The following PLCB1 variants were observed in gnomAD, a reference collection of about 807,000 sequenced individuals.
PLCB1 encodes the protein phospholipase C beta 1.
A neutral mutation model predicts 161.8 loss-of-function variants in PLCB1; 46 were observed. The observed-to-expected ratio is 0.28, with a 90% CI of 0.22 to 0.36. The LOEUF is 0.36. PLCB1 is among the 10% of genes least tolerant of loss of function. The probability of loss-of-function intolerance (pLI) is 1.00; values close to 1 mark genes in which losing one functional copy is unlikely to be tolerated. For missense variants in PLCB1, 1,016 were observed against 1,472.5 expected, an observed-to-expected ratio of 0.69 and a Z score of 5.07; for synonymous variants, 517 against 503.7, an observed-to-expected ratio of 1.03 and a Z score of -0.35.
chr20:8,364,793 A>C (rs1270078334), intron 2 of PLCB1, among the ~76,000 whole-genome samples: 1 of 152,226 alleles, frequency 6.6e-6, no homozygotes, highest in Admixed American at 6.5e-5. Flanking sequence ...GAACGTTTTC[A>C]TTGCTTGTCC....
At chr20:8,584,477 C>T (rs939706164) in intron 3 of PLCB1, among the ~76,000 whole-genome samples, 6 of 126,376 alleles carry the variant, frequency 4.7e-5, no homozygotes, top group Non-Finnish European at 9.8e-5. Flanking sequence ...CACATACACA[C>T]ACACAGACAC....
At chr20:8,417,026 TACACACACACACAC>T (rs5840263) in intron 3 of PLCB1, among the ~76,000 whole-genome samples, 1 of 66,556 alleles carries the variant, frequency 1.5e-5, no homozygotes, top group African/African-American at 5.7e-5. Context: ...TATATGTGTA[TACACACACACACAC>T]ACACACACAC....
At chr20:8,508,683 C>T (rs1568704662) in intron 3 of PLCB1, among the ~76,000 whole-genome samples, 1 of 152,084 alleles carries the variant, frequency 6.6e-6, no homozygotes, top group Non-Finnish European at 1.5e-5. Flanking sequence ...GTTGGGAGTT[C>T]ACTATAAGTA....
At chr20:8,702,036 C>T (rs1413366369) in intron 11 of PLCB1, among the ~76,000 whole-genome samples, 1 of 152,164 alleles carries the variant, frequency 6.6e-6, no homozygotes, top group Non-Finnish European at 1.5e-5. Flanking sequence ...TATCTGCTTT[C>T]AGTATGTGTG....
intron 3 of PLCB1, among the ~76,000 whole-genome samples, chr20:8,566,468 AT>A (rs983686203): frequency 5.3e-5 from 8 of 152,154 alleles, no homozygotes; most frequent in African/African-American, 1.9e-4. Context: ...AAAAAACAAC[AT>A]TTTTTAGGAA....
At chr20:8,236,457 C>T (rs534485390) in intron 2 of PLCB1, among the ~76,000 whole-genome samples, 1 of 152,082 alleles carries the variant, frequency 6.6e-6, no homozygotes, top group East Asian at 1.9e-4. Flanking sequence ...CGCTTGAGCC[C>T]AGGAGTTTGA....
intron 6 of PLCB1, among the ~76,000 whole-genome samples, chr20:8,648,372 G>A (rs556629653): frequency 1.7e-4 from 26 of 152,128 alleles, no homozygotes; most frequent in African/African-American, 5.8e-4. Flanking sequence ...TGATGAAACA[G>A]GTCAGGAGGA....
chr20:8,634,529 C>T (rs368701065), intron 4 of PLCB1, among the ~76,000 whole-genome samples: 7 of 152,266 alleles, frequency 4.6e-5, no homozygotes, highest in African/African-American at 1.7e-4. Context: ...CCCATTCTTC[C>T]TGCCATCTTG....
intron 2 of PLCB1, among the ~76,000 whole-genome samples, chr20:8,220,943 T>C (rs933742006): frequency 6.6e-6 from 1 of 152,094 alleles, no homozygotes; most frequent in Admixed American, 6.5e-5. Flanking sequence ...TAGCCTAAGG[T>C]TTAAAAGTAC....
At chr20:8,542,925 G>A (rs975452550) in intron 3 of PLCB1, among the ~76,000 whole-genome samples, 1 of 152,130 alleles carries the variant, frequency 6.6e-6, no homozygotes, top group African/African-American at 2.4e-5. Context: ...TATTCATTTG[G>A]CCACAGACTA....
chr20:8,458,721 G>A lies in PLCB1; in HGVS notation c.246+87271G>A, dbSNP rs4813862. On this transcript the variant is annotated intron_variant, in intron 3 of 31. Transcript: ENST00000338037. ...TCTGGGATGAAAGACATTTGAGGTT[G>A]TCATTCTGGACTCTTAAGTAAGTTC... Among the ~76,000 whole-genome samples the A allele has an allele frequency of 0.27, 41,105 of 152,040 alleles. 5,801 individuals are homozygous for A. The highest frequency in any genetic ancestry group is 0.31 in the Non-Finnish European group (20,825 of 67,986).
At chr20:8,636,076 A>G (rs1988754479) in intron 4 of PLCB1, among the ~76,000 whole-genome samples, 1 of 152,234 alleles carries the variant, frequency 6.6e-6, no homozygotes, top group African/African-American at 2.4e-5. Flanking sequence ...TAAATGAAAA[A>G]TGATTAAGAA....
At chr20:8,764,750 C>T (rs943225042) in intron 25 of PLCB1, among the ~76,000 whole-genome samples, 2 of 152,148 alleles carry the variant, frequency 1.3e-5, no homozygotes, top group African/African-American at 2.4e-5. Flanking sequence ...TGGGATCAGG[C>T]AGAGACCAGA....
chr20:8,793,181 T>C (rs1983849881), intron 31 of PLCB1, among the ~76,000 whole-genome samples: 1 of 152,222 alleles, frequency 6.6e-6, no homozygotes, highest in Admixed American at 6.5e-5. Flanking sequence ...TCAGTTCCAT[T>C]CAGTCAGATA....
intron 31 of PLCB1, among the ~76,000 whole-genome samples, chr20:8,790,888 T>C (rs1308750929): frequency 2.0e-5 from 3 of 152,206 alleles, no homozygotes; most frequent in Non-Finnish European, 2.9e-5. Context: ...ATCTCAGTTT[T>C]AGAACATTCC....
intron 2 of PLCB1, among the ~76,000 whole-genome samples, chr20:8,178,167 T>G (rs532417805): frequency 6.6e-6 from 1 of 152,296 alleles, no homozygotes; most frequent in African/African-American, 2.4e-5. Context: ...TACATGTGCA[T>G]ATGTCTTTAT....
At chr20:8,318,398 G>A (rs1333921230) in intron 2 of PLCB1, among the ~76,000 whole-genome samples, 1 of 152,104 alleles carries the variant, frequency 6.6e-6, no homozygotes, top group East Asian at 1.9e-4. Flanking sequence ...ATGCAGATAT[G>A]CAGATATTTT....
At chr20:8,828,645 G>T (rs1392493249) in intron 31 of PLCB1, among the ~76,000 whole-genome samples, 1 of 152,142 alleles carries the variant, frequency 6.6e-6, no homozygotes, top group African/African-American at 2.4e-5. Flanking sequence ...GCAGAACTAG[G>T]ATTGTGTCTT....
intron 3 of PLCB1, among the ~76,000 whole-genome samples, chr20:8,443,868 T>C (rs1262173617): frequency 2.0e-5 from 3 of 152,104 alleles, no homozygotes; most frequent in African/African-American, 7.2e-5. Flanking sequence ...CTACCCCAAT[T>C]CTTCCAGTCC....
Sources: gnomAD v4.1 joint callset for allele counts (sites outside exome capture counted in the v4.1 genomes callset) on GRCh38, gnomAD v4.1.1 for gene constraint, MANE v1.5 for transcripts, NCBI Gene and HGNC (gene_info 2026-07-23, HGNC 2026-07-21) for gene names.